CBLIF: variants seen among roughly 807,000 people sequenced by gnomAD.
The protein encoded by CBLIF is gastric intrinsic factor (vitamin B synthesis).
Under a neutral mutation model 44.9 loss-of-function variants are expected in CBLIF, and 24 were observed. That is an observed-to-expected ratio of 0.53 (90% CI 0.39 to 0.75). The LOEUF (loss-of-function observed/expected upper bound fraction) is 0.75. CBLIF is among the 30% of genes least tolerant of loss of function. The probability of loss-of-function intolerance (pLI) is 0.00; values close to 1 mark genes in which losing one functional copy is unlikely to be tolerated. For missense variants in CBLIF, 481 were observed against 513.0 expected, an observed-to-expected ratio of 0.94 and a Z score of 0.60; for synonymous variants, 183 against 190.9, an observed-to-expected ratio of 0.96 and a Z score of 0.34.
chr11:59,843,001 C>G (rs1167540345), intron 3 of CBLIF, 27 bp downstream of exon 3: 2 of 1,348,918 alleles, frequency 1.5e-6, no homozygotes, highest in Middle Eastern at 1.8e-4. Context: ...ATGCCTGACT[C>G]TTTTCTCCCT....
chr11:59,841,305 G>A lies in CBLIF; in HGVS notation c.531C>T (p.Thr177=). ...PFNVDTGAMA[T]LALTCMYNKI... ...TGTTGTACATACAGGTCAGAGCCAA[G>A]GTTGCCATTGCTCCTGTGTCTGTGA... Residue 177 remains threonine (T), a synonymous_variant, in exon 5 of 9, where the codon ACC becomes ACT. Transcript: ENST00000257248. 1 of 1,613,586 alleles carries A rather than the reference G, an allele frequency of 6.2e-7. No individual in the cohort carries two copies. The highest frequency in any genetic ancestry group is 8.5e-7 in the Non-Finnish European group (1 of 1,179,498).
Position 59,837,230 on chromosome 11 carries a change from A to G in CBLIF, c.815T>C (p.Leu272Pro). The G allele has an allele frequency of 6.2e-7, 1 of 1,614,054 alleles. No homozygotes were observed. The highest frequency in any genetic ancestry group is 8.5e-7 in the Non-Finnish European group (1 of 1,179,910). ...FHNPMSIAQI[L>P]PSLKGKTYLD... is the part of the protein sequence containing the mutation. Reference sequence around the variant, plus strand: ...GTATGTCTTGCCTTTCAGGGAAGGGAGGATTTGAGCAATGGACATGGGGTT... The same window carrying G: ...GTATGTCTTGCCTTTCAGGGAAGGGGGGATTTGAGCAATGGACATGGGGTT... Residue 272 changes from leucine to proline, a missense_variant, in exon 6 of 9, where the codon CTC becomes CCC. By Grantham distance (98) the Leu-to-Pro change is moderately conservative (BLOSUM62 -3). Coordinates refer to ENST00000257248, the MANE Select transcript of CBLIF (RefSeq NM_005142.3).
chr11:59,843,284 A>T (rs901014315), intron 2 of CBLIF, 143 bp from the exon 3 acceptor site: 9 of 673,252 alleles, frequency 1.3e-5, no homozygotes, highest in Middle Eastern at 3.9e-4. Flanking sequence ...GTCTTTCCAA[A>T]GAAAAAAATA....
Position 59,835,842 on chromosome 11 carries a change from G to A in CBLIF, c.1039C>T (p.Leu347=). 6.2e-7 allele frequency: 1 copy of A among 1,613,936 alleles called. No individual in the cohort carries two copies. Among genetic ancestry groups the A allele is most frequent in the Non-Finnish European group, 8.5e-7 (1 of 1,179,844 alleles). Residue 347 remains leucine (L), a synonymous_variant, in exon 7 of 9, where the codon CTA becomes TTA. Coordinates refer to ENST00000257248, the MANE Select transcript of CBLIF (RefSeq NM_005142.3). ...VKSGSVLLVV[L]EEAQRKNPMF... ...GGATTTTTGCGCTGTGCTTCCTCTA[G>A]GACAACAAGTAACACTGACCCACTT...
In CBLIF at chr11:59,829,457, T is replaced by G; in HGVS notation, c.*27A>C. The G allele has an allele frequency of 6.6e-7, 1 of 1,511,070 alleles. No homozygotes were observed. Among genetic ancestry groups the G allele is most frequent in the Non-Finnish European group, 9.2e-7 (1 of 1,085,874 alleles). The allele number at this position is 1,511,070 out of a possible 1,614,324, so 93.6% of individuals were successfully genotyped here. A position where few individuals can be genotyped will look rare whatever the true frequency, so the allele number is the denominator to read the frequency against. ...AATTTCACCCATCCTTTGGAGATGT[T>G]TGATAGAAGCTGAACCCACCTCTTC... On this transcript the variant is annotated 3_prime_UTR_variant, in exon 9 of 9. Coordinates refer to ENST00000257248, the MANE Select transcript of CBLIF (RefSeq NM_005142.3).
intron 7 of CBLIF, among the ~76,000 whole-genome samples, chr11:59,834,956 G>A (rs751720416): frequency 4.6e-5 from 7 of 151,856 alleles, no homozygotes; most frequent in Non-Finnish European, 8.8e-5. Context: ...CTATTCTCAC[G>A]ACCTAAGCAA....
chr11:59,842,627 C>T lies in CBLIF; in HGVS notation c.371-44G>A, dbSNP rs369925013. ...ACCTTCATCAGACTCACAGTCACCA[C>T]GATGAGGACATTTGCAAAGAAGGAA... On this transcript the variant is annotated intron_variant, in intron 3 of 8. Transcript: ENST00000257248. 5.6e-6 allele frequency: 9 copies of T among 1,595,306 alleles called. No homozygotes were observed. The East Asian group carries it at 8.9e-5, about 16-fold the overall frequency.
chr11:59,845,243 A>C lies in CBLIF; in HGVS notation c.79+132T>G, dbSNP rs922205696. The C allele has an allele frequency of 6.9e-6, 9 of 1,311,978 alleles. No homozygotes were observed. The African/African-American group carries it at 1.3e-4, about 19-fold the overall frequency. The allele number at this position is 1,311,978 out of a possible 1,614,324, so 81.3% of individuals were successfully genotyped here. On this transcript the variant is annotated intron_variant, in intron 1 of 8. Transcript: ENST00000257248. Reference sequence around the variant, plus strand: ...AAGTCAGGAAGGATGAACAGCACACAATCACACTCAGACTTACCCATTTTG... The same window carrying C: ...AAGTCAGGAAGGATGAACAGCACACCATCACACTCAGACTTACCCATTTTG...
intron 7 of CBLIF, 120 bp downstream of exon 7, chr11:59,835,688 A>C: frequency 2.5e-6 from 2 of 789,712 alleles, no homozygotes; most frequent in Non-Finnish European, 4.5e-6. Flanking sequence ...AAAGCTGCTC[A>C]AGCGCTATTA....
Position 59,842,462 on chromosome 11 carries a change from G to T in CBLIF, c.492C>A (p.Asn164Lys). The change falls in exon 4 of 9, where the codon AAC (asparagine) becomes AAA (lysine). Residue 164 changes from asparagine (N) to lysine (K), a missense_variant. By Grantham distance (94) the Asn-to-Lys change is moderately conservative. Transcript: ENST00000257248. ...ACTCACCTACATTGAAGGGAGAGGA[G>T]TTGGCCAGCAGGGTCTTGGCAAAGC... Reference protein sequence around the residue: ...AVRFAKTLLANSSPFNVDTGA... With the variant: ...AVRFAKTLLAKSSPFNVDTGA... 6.2e-7 allele frequency: 1 copy of T among 1,613,788 alleles called. No homozygotes were observed. Among genetic ancestry groups the T allele is most frequent in the Admixed American group, 1.7e-5 (1 of 60,012 alleles).
rs529702401 is a variant in CBLIF at position 59,842,397 on chromosome 11, C to T, written c.511+46G>A. On this transcript the variant is annotated intron_variant, in intron 4 of 8. Transcript: ENST00000257248. ...CCTGCCAGCTCCACCATTCAGTTCA[C>T]GATGCCTCTGATGTTCCCAGCTCGG... 20 of 1,605,604 alleles carry T rather than the reference C, an allele frequency of 1.2e-5. 1 individual carries two copies. The highest frequency in any genetic ancestry group is 2.0e-4 in the Middle Eastern group (1 of 4,980).
intron 1 of CBLIF, among the ~76,000 whole-genome samples, chr11:59,844,736 G>A (rs530771083): frequency 1.3e-4 from 20 of 152,128 alleles, no homozygotes; most frequent in Non-Finnish European, 2.6e-4. Context: ...TCCTCAGTGA[G>A]TACCAAAATC....
Position 59,845,494 on chromosome 11 carries a change from A to C in CBLIF, c.-41T>G. 1 of 1,258,942 alleles carries C rather than the reference A, an allele frequency of 7.9e-7. No homozygotes were observed. Among genetic ancestry groups the C allele is most frequent in the Non-Finnish European group, 1.2e-6 (1 of 857,014 alleles). The allele number at this position is 1,258,942 out of a possible 1,614,324, so 78.0% of individuals were successfully genotyped here. The stretch of plus-strand genomic sequence containing the variant: ...ATGTCTCTCATCCACAGGTACCGCG[A>C]TTTGCAAGTGGAATATTTCTTTACC... On this transcript the variant is annotated 5_prime_UTR_variant, in exon 1 of 9. Transcript: ENST00000257248.
intron 1 of CBLIF, 96 bp from the exon 2 acceptor site, chr11:59,844,151 T>G: frequency 9.6e-7 from 1 of 1,040,440 alleles, no homozygotes; most frequent in Non-Finnish European, 1.5e-6. Flanking sequence ...TCTTTCTTTT[T>G]TTTTTGAGAC....
Position 59,845,391 on chromosome 11 carries a change from C to A in CBLIF, c.63G>T (p.Gln21His). 5.6e-6 allele frequency: 9 copies of A among 1,612,476 alleles called. No homozygotes were observed. Among genetic ancestry groups the A allele is most frequent in the South Asian group, 1.1e-5 (1 of 91,010 alleles). Reference sequence around the variant, plus strand: ...CATACTCACAGCATGAACTCTGGGTCTGGGTACTAGTCCCAGCTGTAGCCC... The same window carrying A: ...CATACTCACAGCATGAACTCTGGGTATGGGTACTAGTCCCAGCTGTAGCCC... Reference protein sequence around the residue: ...LLWATAGTSTQTQSSCSVPSA... With the variant: ...LLWATAGTSTHTQSSCSVPSA... The change falls in exon 1 of 9, where the codon CAG becomes CAT. Residue 21 changes from glutamine (Q) to histidine (H), a missense_variant. Gln to His is a conservative substitution (Grantham distance 24). Transcript: ENST00000257248.
At chr11:59,834,311 T>TCTTTCTTTCTTTCTTTCTTC (rs1555012146) in intron 7 of CBLIF, among the ~76,000 whole-genome samples, 1 of 35,570 alleles carries the variant, frequency 2.8e-5, no homozygotes, top group Non-Finnish European at 5.4e-5. Flanking sequence ...TTTCTTTCTT[T>TCTTTCTTTCTTTCTTTCTTC]CTTCCTTCCT....
rs750003083 is a variant in CBLIF, at chr11:59,835,760, T to A, written c.1073+48A>T. ...AAACAGGATGGATAAAAAATGGGAA[T>A]TCAGATCAGGCCTTGAGAGAATGAT... On this transcript the variant is annotated intron_variant, in intron 7 of 8. Coordinates refer to ENST00000257248, the MANE Select transcript of CBLIF (RefSeq NM_005142.3). The A allele has an allele frequency of 3.5e-6, 5 of 1,421,160 alleles. No homozygotes were observed. The East Asian group carries it at 9.1e-5, about 26-fold the overall frequency. 88.0% of individuals were successfully genotyped at this position (1,421,160 alleles called of 1,614,324 possible). A position where few individuals can be genotyped will look rare whatever the true frequency, so the allele number is the denominator to read the frequency against.
intron 1 of CBLIF, 54 bp downstream of exon 1, chr11:59,845,321 C>T (rs1257330781): frequency 6.2e-7 from 1 of 1,608,192 alleles, no homozygotes; most frequent in South Asian, 1.1e-5. Flanking sequence ...AGGTCACAGC[C>T]CCTTCCCCAG....
At position 59,835,689 on chromosome 11, in the gene CBLIF, A is replaced by G. The variant is rs541513927; in HGVS notation, c.1073+119T>C. On this transcript the variant is annotated intron_variant, in intron 7 of 8. Transcript: ENST00000257248. ...TATTTATTAGATTGAAAGCTGCTCA[A>G]GCGCTATTAAATAAAAATCTGTTAT... The G allele has an allele frequency of 2.8e-5, 22 of 794,652 alleles. No homozygotes were observed. The African/African-American group carries it at 3.6e-4, about 13-fold the overall frequency. The allele number at this position is 794,652 out of a possible 1,614,324, so 49.2% of individuals were successfully genotyped here. A position where few individuals can be genotyped will look rare whatever the true frequency, so the allele number is the denominator to read the frequency against.
Sources: gnomAD v4.1 joint callset for allele counts (sites outside exome capture counted in the v4.1 genomes callset) on GRCh38, gnomAD v4.1.1 for gene constraint, MANE v1.5 for transcripts, NCBI Gene and HGNC (gene_info 2026-07-23, HGNC 2026-07-21) for gene names.